PASK: variants seen among roughly 807,000 people sequenced by gnomAD.
PASK encodes the protein PAS domain containing serine/threonine kinase.
A neutral mutation model predicts 121.0 loss-of-function variants in PASK; 110 were observed. The observed-to-expected ratio is 0.91, with a 90% CI of 0.78 to 1.06. The LOEUF is 1.06. Among genes scored for constraint, PASK ranks in the 50% least tolerant of loss-of-function variants. The pLI, the probability that PASK is intolerant of heterozygous loss-of-function variation, is 0.00. For synonymous variants in PASK, 686 were observed against 717.8 expected, an observed-to-expected ratio of 0.96 and a Z score of 0.71; for missense variants, 1,643 against 1,702.3, an observed-to-expected ratio of 0.97 and a Z score of 0.61.
chr2:241,139,702 C>T, intron 4 of PASK, 183 bp downstream of exon 4: 1 of 716,192 alleles, frequency 1.4e-6, no homozygotes, highest in Non-Finnish European at 2.6e-6. Context: ...TTAAAGGGCC[C>T]CCACCCCCAC....
rs775887151 is a variant in PASK, at chr2:241,136,995, C to A, written c.1137+9G>T. 2 of 1,611,944 alleles carry A rather than the reference C, an allele frequency of 1.2e-6. No individual in the cohort carries two copies. Among genetic ancestry groups the A allele is most frequent in the Non-Finnish European group, 1.7e-6 (2 of 1,179,628 alleles). ...GGGAACGGGAGCCAGGCGCCCAGGG[C>A]AGCCCCACCTTGCCCAGGAGCTCCG... On this transcript the variant is annotated intron_variant, in intron 7 of 17. Transcript: ENST00000234040.
Position 241,108,101 on chromosome 2 carries a change from G to A in PASK, c.3667+66C>T. Reference sequence around the variant, plus strand: ...GAGATACACTGAGGAATGAGGAAATGGGAAAAAAAAGTGGCTGGTCTCTAA... The same window carrying A: ...GAGATACACTGAGGAATGAGGAAATAGGAAAAAAAAGTGGCTGGTCTCTAA... On this transcript the variant is annotated intron_variant, in intron 16 of 17. Coordinates refer to ENST00000234040, the MANE Select transcript of PASK (RefSeq NM_015148.4). The surrounding 1 kb of genome is among the most constrained non-coding windows in gnomAD (Gnocchi z 5.2). 2.0e-6 allele frequency: 3 copies of A among 1,529,616 alleles called. No homozygotes were observed. The South Asian group carries it at 3.4e-5, about 17-fold the overall frequency. The allele number at this position is 1,529,616 out of a possible 1,614,324, so 94.8% of individuals were successfully genotyped here. A position where few individuals can be genotyped will look rare whatever the true frequency, so the allele number is the denominator to read the frequency against.
chr2:241,145,522 T>C (rs1353318839), intron 1 of PASK, among the ~76,000 whole-genome samples: 1 of 152,008 alleles, frequency 6.6e-6, no homozygotes, highest in East Asian at 1.9e-4. Flanking sequence ...TGTAAGACTT[T>C]GGGGTAGGGA....
chr2:241,147,723 A>C (rs2067022169), intron 1 of PASK, among the ~76,000 whole-genome samples: 1 of 151,718 alleles, frequency 6.6e-6, no homozygotes, highest in African/African-American at 2.4e-5. Context: ...GAAAGGGGGA[A>C]AAAAAGCAAA....
In PASK at chr2:241,138,081, C is replaced by T. The variant is rs1470414; in HGVS notation, c.748G>A (p.Val250Ile). The change falls in exon 6 of 18, where the codon GTC becomes ATC. Residue 250 changes from valine to isoleucine, a missense_variant. Coordinates refer to ENST00000234040, the MANE Select transcript of PASK (RefSeq NM_015148.4). The stretch of plus-strand genomic sequence containing the variant: ...GCAAAGAGACTGTCACATGACGTGA[C>T]GGTGCCCTGGAGGAAAAGCCCCGTG... ...TWVAFQSDGT[V>I]TSCDSLFAHL... 0.34 allele frequency: 556,400 copies of T among 1,613,222 alleles called. 99,619 individuals carry two copies. The highest frequency in any genetic ancestry group is 0.41 in the Middle Eastern group (2,515 of 6,062).
chr2:241,138,604 C>A, intron 5 of PASK, 50 bp downstream of exon 5: 1 of 1,605,578 alleles, frequency 6.2e-7, no homozygotes, highest in Non-Finnish European at 8.5e-7. Flanking sequence ...AAGAGGAGAA[C>A]GACGCCGGCT....
In PASK at chr2:241,123,973, C is replaced by T; in HGVS notation, c.2880G>A (p.Glu960=). 1 of 1,613,884 alleles carries T rather than the reference C, an allele frequency of 6.2e-7. No individual in the cohort carries two copies. Among genetic ancestry groups the T allele is most frequent in the Non-Finnish European group, 8.5e-7 (1 of 1,180,020 alleles). The change falls in exon 11 of 18, where the codon GAG becomes GAA. Residue 960 remains glutamate, a synonymous_variant. Coordinates refer to ENST00000234040, the MANE Select transcript of PASK (RefSeq NM_015148.4). ...CTTCCACCAGGCTGGGTCCGGTGAGCTCAGCAGCGGTAGAGTGGGTGGAGC... is the reference window on the plus strand; with the variant it reads ...CTTCCACCAGGCTGGGTCCGGTGAGTTCAGCAGCGGTAGAGTGGGTGGAGC... ...LPGSTHSTAA[E]LTGPSLVEVL...
rs2064887214 is a variant in PASK at position 241,106,573 on chromosome 2, G to C, written c.3965C>G (p.Thr1322Ser). The C allele has an allele frequency of 6.2e-7, 1 of 1,614,040 alleles. No individual in the cohort carries two copies. The highest frequency in any genetic ancestry group is 8.5e-7 in the Non-Finnish European group (1 of 1,179,998). The change falls in exon 18 of 18, where the codon ACC (threonine) becomes AGC (serine). Residue 1322 changes from threonine to serine, a missense_variant. By Grantham distance (58) the Thr-to-Ser change is moderately conservative (BLOSUM62 1). Around this residue, in one of 3 missense-constraint regions of PASK, gnomAD observed 453 missense variants for 511.2 expected, o/e 0.89. Coordinates refer to ENST00000234040, the MANE Select transcript of PASK (RefSeq NM_015148.4). ...GCAGGAAGAAATTGGTGTTTAGCTG[G>C]TCAGCAGACGGGGATCCCCGGGATG... The part of the protein sequence containing the change: ...CLHPGDPRLL[T>S]S
In PASK at chr2:241,142,855, T is replaced by C. The variant is rs2066771208; in HGVS notation, c.178A>G (p.Ser60Gly). The C allele has an allele frequency of 6.2e-7, 1 of 1,613,340 alleles. No individual in the cohort carries two copies. Among genetic ancestry groups the C allele is most frequent in the Non-Finnish European group, 8.5e-7 (1 of 1,179,652 alleles). ...RRNGLSRLCQ[S>G]RTALSEDRWS... The stretch of plus-strand genomic sequence containing the variant: ...TCATTACCAGAGAGCGCTGTCCTGC[T>C]CTGGCAGAGTCTGGAAAGCCCATTC... The change falls in exon 2 of 18, where the codon AGC becomes GGC. Residue 60 changes from serine (S) to glycine (G), a missense_variant. By Grantham distance (56) the Ser-to-Gly change is moderately conservative (BLOSUM62 0). Around this residue, in one of 3 missense-constraint regions of PASK, gnomAD observed 1,176 missense variants for 1,162.2 expected, o/e 1.01. Transcript: ENST00000234040.
intron 5 of PASK, 23 bp downstream of exon 5, chr2:241,138,631 A>G (rs375273874): frequency 1.2e-6 from 2 of 1,613,642 alleles, no homozygotes; most frequent in South Asian, 1.1e-5. Context: ...TCCATGAGAC[A>G]TGAGGCAAAG....
chr2:241,142,439 A>G (rs1406316482), intron 2 of PASK, among the ~76,000 whole-genome samples: 2 of 152,230 alleles, frequency 1.3e-5, no homozygotes, highest in Non-Finnish European at 2.9e-5. Context: ...CTGCCCCATG[A>G]TTCTTGGTCC....
chr2:241,133,126 G>T, intron 8 of PASK, 96 bp from the exon 9 acceptor site: 1 of 1,235,638 alleles, frequency 8.1e-7, no homozygotes, highest in Non-Finnish European at 1.2e-6. Context: ...CTGCTTCACA[G>T]CATGACCAGC....
intron 16 of PASK, among the ~76,000 whole-genome samples, chr2:241,107,795 C>T (rs941855760): frequency 6.6e-5 from 10 of 152,180 alleles, no homozygotes; most frequent in African/African-American, 1.9e-4. Flanking sequence ...CTGTGAATAA[C>T]GCAGGGTTAA....
chr2:241,139,267 C>G (rs1272076482), intron 4 of PASK, among the ~76,000 whole-genome samples: 1 of 152,174 alleles, frequency 6.6e-6, no homozygotes, highest in Non-Finnish European at 1.5e-5. Context: ...CTACTAGAGC[C>G]TCAGATCATA....
At chr2:241,131,150 A>AC (rs1402631280) in intron 9 of PASK, among the ~76,000 whole-genome samples, 8 of 141,836 alleles carry the variant, frequency 5.6e-5, no homozygotes, top group African/African-American at 2.1e-4. Flanking sequence ...CATGTATTAC[A>AC]TTTTTTTTTT....
At chr2:241,131,175 G>A (rs1049305528) in intron 9 of PASK, among the ~76,000 whole-genome samples, 1 of 148,928 alleles carries the variant, frequency 6.7e-6, no homozygotes, top group African/African-American at 2.5e-5. Context: ...TTGAGACGGA[G>A]TCTCACTCTG....
chr2:241,106,843 C>G, intron 17 of PASK, 120 bp from the exon 18 acceptor site: 1 of 967,898 alleles, frequency 1.0e-6, no homozygotes, highest in Admixed American at 1.9e-5. Flanking sequence ...AGAAATCCAA[C>G]TGGCAATGTC....
chr2:241,113,828 C>T, intron 14 of PASK: 6 of 985,494 alleles, frequency 6.1e-6, no homozygotes, highest in African/African-American at 3.5e-5. Flanking sequence ...CGCTGCTGAG[C>T]AGGTCCTGAT....
At chr2:241,146,161 A>G (rs2066942839) in intron 1 of PASK, among the ~76,000 whole-genome samples, 1 of 152,252 alleles carries the variant, frequency 6.6e-6, no homozygotes, top group African/African-American at 2.4e-5. Context: ...CAAGCGTTTT[A>G]CAGGAGAGGA....
Sources: allele counts gnomAD v4.1 joint callset (sites outside exome capture counted in the v4.1 genomes callset), GRCh38; gene constraint gnomAD v4.1.1; regional missense constraint gnomAD v4.1.1; non-coding constraint Gnocchi (gnomAD v3.1); transcripts MANE v1.5; gene names NCBI Gene and HGNC (gene_info 2026-07-23, HGNC 2026-07-21).